The following SOS1 variants were observed in gnomAD, a reference collection of about 807,000 sequenced individuals.
SOS1 encodes the protein SOS Ras/Rac guanine nucleotide exchange factor 1.
A neutral mutation model predicts 157.6 loss-of-function variants in SOS1; 25 were observed. That is an observed-to-expected ratio of 0.16 (90% confidence interval 0.12 to 0.22). SOS1 has a LOEUF of 0.22. SOS1 is among the 10% of genes least tolerant of loss of function. The pLI is 1.00. For synonymous variants in SOS1, 528 were observed against 534.0 expected (o/e 0.99, Z 0.16); for missense variants, 1,237 against 1,599.1 (o/e 0.77, Z 3.86).
At chr2:39,010,826 A>C (rs781138587) in intron 14 of SOS1, 123 bp from the exon 15 acceptor site, 8 of 757,188 alleles carry the variant, frequency 1.1e-5, no homozygotes, top group Non-Finnish European at 1.8e-5. Flanking sequence ...ATACCAACAG[A>C]AAGGTCTGTG....
intron 2 of SOS1, among the ~76,000 whole-genome samples, chr2:39,062,286 T>A (rs186353927): frequency 6.6e-6 from 1 of 151,480 alleles, no homozygotes; most frequent in African/African-American, 2.4e-5. Context: ...AGCATGGTGG[T>A]GCTCGCTTGT....
At chr2:39,082,265 T>TA (rs1672229513) in intron 1 of SOS1, among the ~76,000 whole-genome samples, 1 of 152,194 alleles carries the variant, frequency 6.6e-6, no homozygotes, top group African/African-American at 2.4e-5. Flanking sequence ...ATTTAATTCA[T>TA]AAGAGTTTTT....
intron 1 of SOS1, among the ~76,000 whole-genome samples, chr2:39,107,444 A>T (rs980805622): frequency 6.6e-6 from 1 of 152,110 alleles, no homozygotes; most frequent in African/African-American, 2.4e-5. Flanking sequence ...ACAGTCTAAG[A>T]CACTTTCACT....
intron 1 of SOS1, among the ~76,000 whole-genome samples, chr2:39,118,073 T>C (rs540698757): frequency 2.0e-5 from 3 of 152,300 alleles, no homozygotes; most frequent in Non-Finnish European, 2.9e-5. Flanking sequence ...AATCTAGTTA[T>C]AGGCAAGTAA....
intron 20 of SOS1, chr2:38,993,212 TGCAGTG>T (rs986403216): frequency 2.0e-5 from 3 of 152,562 alleles, no homozygotes; most frequent in African/African-American, 7.2e-5. Flanking sequence ...CAGGCTGGAG[TGCAGTG>T]GCATGATCAC....
chr2:39,088,728 C>T (rs1489104130), intron 1 of SOS1, among the ~76,000 whole-genome samples: 1 of 152,082 alleles, frequency 6.6e-6, no homozygotes, highest in Non-Finnish European at 1.5e-5. Flanking sequence ...CATCTGGTAA[C>T]TGACATGTGG....
chr2:39,072,887 A>G (rs1370339779), intron 1 of SOS1, among the ~76,000 whole-genome samples: 1 of 152,208 alleles, frequency 6.6e-6, no homozygotes, highest in African/African-American at 2.4e-5. Context: ...ATAAAACTTA[A>G]AAACTCTAAC....
At chr2:39,070,897 C>T (rs193064799) in intron 1 of SOS1, among the ~76,000 whole-genome samples, 1 of 152,182 alleles carries the variant, frequency 6.6e-6, no homozygotes, top group Non-Finnish European at 1.5e-5. Context: ...GAGTCTCGCT[C>T]TGTCACTCAG....
intron 8 of SOS1, among the ~76,000 whole-genome samples, chr2:39,026,964 T>C (rs1669984519): frequency 6.6e-6 from 1 of 152,160 alleles, no homozygotes; most frequent in Non-Finnish European, 1.5e-5. Context: ...TAAGGCAAAT[T>C]TAATGAAAGC....
At chr2:39,019,687 C>T (rs1418183507) in intron 10 of SOS1, among the ~76,000 whole-genome samples, 1 of 151,536 alleles carries the variant, frequency 6.6e-6, no homozygotes, top group Admixed American at 6.6e-5. Context: ...ACAAAGCTTT[C>T]CCTTTAGTGA....
rs1181175917 is a variant in SOS1 at position 39,023,178 on chromosome 2, A to G, written c.1250T>C (p.Leu417Pro). The G allele has an allele frequency of 1.2e-6, 2 of 1,613,060 alleles. No homozygotes were observed. The highest frequency in any genetic ancestry group is 1.7e-6 in the Non-Finnish European group (2 of 1,179,512). The stretch of plus-strand genomic sequence containing the variant: ...AATCTCGTTCATCTTCTTGATTGCT[A>G]GTTGTTTCCCCTTCATTTGCTGACT... ...FYSQQMKGKQ[L>P]AIKKMNEIQK... Residue 417 changes from leucine to proline, a missense_variant, in exon 10 of 23, where the codon CTA (leucine) becomes CCA (proline). Physicochemically the swap from Leu to Pro is moderately conservative, Grantham distance 98. Around this residue, in one of 15 missense-constraint regions of SOS1, gnomAD observed 101 missense variants for 171.5 expected, o/e 0.59. Coordinates refer to ENST00000402219, the MANE Select transcript of SOS1 (RefSeq NM_005633.4).
intron 21 of SOS1, among the ~76,000 whole-genome samples, chr2:38,988,856 A>G (rs1354659003): frequency 6.6e-6 from 1 of 152,020 alleles, no homozygotes; most frequent in Non-Finnish European, 1.5e-5. Flanking sequence ...GTTGTCTATA[A>G]TCTATCCTGC....
rs1673833115 is a variant in SOS1, at chr2:39,120,486, G to A, written c.-64C>T. On this transcript the variant is annotated 5_prime_UTR_variant, in exon 1 of 23. Coordinates refer to ENST00000402219, the MANE Select transcript of SOS1 (RefSeq NM_005633.4). ...CGGCGGCCGGGCCAGGGAGCCGCGA[G>A]AGGGCGAGCTCGCAGCGCGGAACAG... The A allele has an allele frequency of 1.4e-6, 2 of 1,432,918 alleles. No homozygotes were observed. Among genetic ancestry groups the A allele is most frequent in the Non-Finnish European group, 9.2e-7 (1 of 1,089,940 alleles). 88.8% of individuals were successfully genotyped at this position (1,432,918 alleles called of 1,614,324 possible). A position where few individuals can be genotyped will look rare whatever the true frequency, so the allele number is the denominator to read the frequency against.
intron 6 of SOS1, among the ~76,000 whole-genome samples, chr2:39,038,476 C>A (rs1320110681): frequency 1.3e-5 from 2 of 151,908 alleles, no homozygotes; most frequent in Non-Finnish European, 2.9e-5. Flanking sequence ...TGGCTCACGC[C>A]TGTAATCCCA....
At position 39,004,717 on chromosome 2, in the gene SOS1, C is replaced by T. The variant is rs752443840; in HGVS notation, c.2791+1695G>A. ...AATACATGTCAATGAATAAAAAGTACAAGGCAGATTGTTTGCAGGAGATAC... is the reference window on the plus strand; with the variant it reads ...AATACATGTCAATGAATAAAAAGTATAAGGCAGATTGTTTGCAGGAGATAC... On this transcript the variant is annotated intron_variant, in intron 17 of 22. Transcript: ENST00000402219. Among the ~76,000 whole-genome samples the T allele has an allele frequency of 5.5e-4, 83 of 151,768 alleles. 1 individual carries two copies. Among genetic ancestry groups the T allele is most frequent in the Middle Eastern group, 3.4e-3 (1 of 294 alleles).
At chr2:39,083,395 T>C (rs1446477940) in intron 1 of SOS1, among the ~76,000 whole-genome samples, 1 of 152,136 alleles carries the variant, frequency 6.6e-6, no homozygotes, top group East Asian at 1.9e-4. Flanking sequence ...AGAAGTAATA[T>C]ACAAAAACCA....
At chr2:39,108,808 G>A (rs900731467) in intron 1 of SOS1, among the ~76,000 whole-genome samples, 9 of 151,922 alleles carry the variant, frequency 5.9e-5, no homozygotes, top group Non-Finnish European at 1.2e-4. Context: ...TGCAAAAATT[G>A]CTTGAGCCTA....
chr2:39,019,884 A>T, intron 10 of SOS1, among the ~76,000 whole-genome samples: 1 of 151,636 alleles, frequency 6.6e-6, no homozygotes, highest in East Asian at 1.9e-4. Context: ...ACGTTTGCCC[A>T]GAAATGAACA....
chr2:39,111,126 G>A (rs1435603717), intron 1 of SOS1, among the ~76,000 whole-genome samples: 10 of 152,236 alleles, frequency 6.6e-5, no homozygotes, highest in South Asian at 2.1e-4. Flanking sequence ...CCAGCTAATC[G>A]GGAGGCTGAG....
Sources: gnomAD v4.1 joint callset for allele counts (sites outside exome capture counted in the v4.1 genomes callset) on GRCh38, gnomAD v4.1.1 for gene constraint, gnomAD v4.1.1 regional missense constraint, MANE v1.5 for transcripts, NCBI Gene and HGNC (gene_info 2026-07-23, HGNC 2026-07-21) for gene names.